The following TOX2 variants were observed in gnomAD, a reference collection of about 807,000 sequenced individuals.
TOX2 encodes granulosa cell HMG box 1.
TOX2 carries 15 observed loss-of-function variants against 47.4 expected under a neutral mutation model. The observed-to-expected ratio is 0.32, with a 90% CI of 0.21 to 0.49. TOX2 has a LOEUF of 0.49. Ranked by LOEUF, TOX2 falls within the 20% of genes least tolerant of loss-of-function variation. The pLI is 0.99. For missense variants in TOX2, 622 were observed against 673.1 expected (o/e 0.92, Z 0.84); for synonymous variants, 290 against 296.6 (o/e 0.98, Z 0.23).
intron 1 of TOX2, among the ~76,000 whole-genome samples, chr20:43,947,011 A>G (rs1157251852): frequency 6.6e-6 from 1 of 152,236 alleles, no homozygotes; most frequent in Non-Finnish European, 1.5e-5. Context: ...GGGAGAGACC[A>G]GGAAACACCA....
intron 1 of TOX2, among the ~76,000 whole-genome samples, chr20:43,943,648 C>CA (rs374650546): frequency 9.3e-5 from 14 of 150,826 alleles, no homozygotes; most frequent in East Asian, 3.9e-4. Flanking sequence ...GAGGGAACAA[C>CA]AAAAAAAAAG....
At chr20:43,925,387 G>A (rs939453486) in intron 1 of TOX2, among the ~76,000 whole-genome samples, 1 of 152,126 alleles carries the variant, frequency 6.6e-6, no homozygotes, top group African/African-American at 2.4e-5. Context: ...ACTCTATTGC[G>A]GTGTGGGATG....
rs534781621 is a variant in TOX2 at position 43,955,337 on chromosome 20, G to A, written c.100-18030G>A. On this transcript the variant is annotated intron_variant, in intron 1 of 8. Transcript: ENST00000341197. ...CCCATGGGGGCCTCTGGCAGCCATC[G>A]CAGAGCCTGAAACCCGTTGTTTCCC... The A allele has an allele frequency of 2.5e-5, 25 of 981,892 alleles. No homozygotes were observed. The African/African-American group carries it at 3.3e-4, about 13-fold the overall frequency. 60.8% of individuals were successfully genotyped at this position (981,892 alleles called of 1,614,324 possible). A position where few individuals can be genotyped will look rare whatever the true frequency, so the allele number is the denominator to read the frequency against.
At chr20:43,983,875 G>T (rs1198926158) in intron 2 of TOX2, among the ~76,000 whole-genome samples, 1 of 152,148 alleles carries the variant, frequency 6.6e-6, no homozygotes, top group African/African-American at 2.4e-5. Flanking sequence ...GCAGAGGAGG[G>T]TGAGGCTCTT....
chr20:44,058,306 C>T (rs1569144919), intron 5 of TOX2, among the ~76,000 whole-genome samples: 1 of 152,192 alleles, frequency 6.6e-6, no homozygotes, highest in Non-Finnish European at 1.5e-5. Flanking sequence ...CCTGTGGCTG[C>T]CAGCTTTCCC....
intron 1 of TOX2, among the ~76,000 whole-genome samples, chr20:43,939,067 C>T (rs772122287): frequency 3.3e-5 from 5 of 152,184 alleles, no homozygotes; most frequent in Non-Finnish European, 5.9e-5. Flanking sequence ...GATGCCAAAG[C>T]CCCAGCTTGG....
Position 43,916,158 on chromosome 20 carries a change from TG to T in TOX2, c.99+1171del, listed in dbSNP as rs911973330. 4.6e-5 allele frequency: 45 copies of T among 985,398 alleles called. No individual in the cohort carries two copies. In the African/African-American group the frequency reaches 6.6e-4, roughly 15 times the overall value. 61.0% of individuals were successfully genotyped at this position (985,398 alleles called of 1,614,324 possible). A position where few individuals can be genotyped will look rare whatever the true frequency, so the allele number is the denominator to read the frequency against. On this transcript the variant is annotated intron_variant, in intron 1 of 8. Coordinates refer to ENST00000341197, the MANE Select transcript of TOX2 (RefSeq NM_001098797.2). The surrounding 1 kb of genome is among the most constrained non-coding windows in gnomAD (Gnocchi z 5.0). Reference sequence around the variant, plus strand: ...CGGAGCCCGGATTGAACAGCGCGCGTGGGTTTCCCGCAGCCCTGGCGCAGAC... The same window carrying T: ...CGGAGCCCGGATTGAACAGCGCGCGTGGTTTCCCGCAGCCCTGGCGCAGAC...
intron 1 of TOX2, among the ~76,000 whole-genome samples, chr20:43,917,257 G>A (rs1295132919): frequency 6.6e-6 from 1 of 151,982 alleles, no homozygotes; most frequent in African/African-American, 2.4e-5. Context: ...CCTTAGTGGT[G>A]GTGGTTGGGG....
chr20:44,065,238 G>A (rs1233018284), intron 6 of TOX2, among the ~76,000 whole-genome samples: 1 of 152,190 alleles, frequency 6.6e-6, no homozygotes, highest in Non-Finnish European at 1.5e-5. Flanking sequence ...CACACCGTCG[G>A]CCTCCTCTGT....
At chr20:43,934,147 G>GAGAT (rs752312739) in intron 1 of TOX2, among the ~76,000 whole-genome samples, 82 of 150,696 alleles carry the variant, frequency 5.4e-4, no homozygotes, top group Admixed American at 1.6e-3. Context: ...GAGAGAGAGA[G>GAGAT]AGAGAGAGAG....
At chr20:43,917,008 G>T (rs1435289568) in intron 1 of TOX2, among the ~76,000 whole-genome samples, 1 of 152,184 alleles carries the variant, frequency 6.6e-6, no homozygotes, top group Non-Finnish European at 1.5e-5. Flanking sequence ...CTTTCTGTGT[G>T]GGATGTAGGA....
intron 2 of TOX2, among the ~76,000 whole-genome samples, chr20:43,979,747 C>T (rs2070139406): frequency 6.6e-6 from 1 of 152,034 alleles, no homozygotes; most frequent in Admixed American, 6.6e-5. Context: ...TAAAAGAAGA[C>T]CTGCAATGGC....
intron 1 of TOX2, among the ~76,000 whole-genome samples, chr20:43,935,796 G>T (rs183262218): frequency 3.3e-5 from 5 of 151,898 alleles, no homozygotes; most frequent in Non-Finnish European, 2.9e-5. Context: ...GTGTGGTGGT[G>T]CATGCCTGTA....
At chr20:43,925,308 G>A (rs1170774017) in intron 1 of TOX2, among the ~76,000 whole-genome samples, 1 of 152,168 alleles carries the variant, frequency 6.6e-6, no homozygotes, top group East Asian at 1.9e-4. Flanking sequence ...ATGGGTGAAA[G>A]CCGTGACTGC....
At chr20:43,967,202 C>G (rs2069871253) in intron 1 of TOX2, among the ~76,000 whole-genome samples, 1 of 152,042 alleles carries the variant, frequency 6.6e-6, no homozygotes, top group African/African-American at 2.4e-5. Flanking sequence ...GCTGGAGAAA[C>G]AGCAAGTCCA....
At chr20:43,937,162 C>A (rs1016450119) in intron 1 of TOX2, among the ~76,000 whole-genome samples, 5 of 152,056 alleles carry the variant, frequency 3.3e-5, no homozygotes, top group Non-Finnish European at 7.4e-5. Context: ...ATGATGGGCA[C>A]GGGGGAAGCA....
chr20:44,012,636 C>T (rs79987830), intron 3 of TOX2, among the ~76,000 whole-genome samples: 1 of 152,182 alleles, frequency 6.6e-6, no homozygotes, highest in Non-Finnish European at 1.5e-5. Context: ...AGTTACTTCT[C>T]TCCCAGCCTC....
chr20:43,995,109 T>C (rs769328563), intron 2 of TOX2, among the ~76,000 whole-genome samples: 11 of 152,112 alleles, frequency 7.2e-5, no homozygotes, highest in Non-Finnish European at 1.2e-4. Context: ...GTATGGACTT[T>C]TAGTTTTTTA....
At chr20:44,027,495 G>A (rs910560815) in intron 3 of TOX2, among the ~76,000 whole-genome samples, 2 of 152,242 alleles carry the variant, frequency 1.3e-5, no homozygotes, top group Admixed American at 1.3e-4. Flanking sequence ...AGCTGCAGAA[G>A]CCTCTGACCT....
Sources: allele counts gnomAD v4.1 joint callset (sites outside exome capture counted in the v4.1 genomes callset), GRCh38; gene constraint gnomAD v4.1.1; non-coding constraint Gnocchi (gnomAD v3.1); transcripts MANE v1.5; gene names NCBI Gene and HGNC (gene_info 2026-07-23, HGNC 2026-07-21).